TRERF1: variants seen among roughly 807,000 people sequenced by gnomAD.
The protein encoded by TRERF1 is transcriptional regulating factor 1, also known as transcriptional-regulating factor 1.
In TRERF1, 27 loss-of-function variants were observed where a neutral mutation model predicts 122.9. The observed-to-expected ratio is 0.22, with a 90% CI of 0.16 to 0.30. The LOEUF is 0.30. TRERF1 is among the 10% of genes least tolerant of loss of function. The probability of loss-of-function intolerance (pLI) is 1.00; values close to 1 mark genes in which losing one functional copy is unlikely to be tolerated. For missense variants in TRERF1, 1,248 were observed against 1,560.3 expected, an observed-to-expected ratio of 0.80 and a Z score of 3.37; for synonymous variants, 636 against 641.7, an observed-to-expected ratio of 0.99 and a Z score of 0.13.
intron 13 of TRERF1, among the ~76,000 whole-genome samples, chr6:42,247,275 C>A (rs1268527160): frequency 1.3e-5 from 2 of 152,182 alleles, no homozygotes; most frequent in Non-Finnish European, 2.9e-5. Context: ...TGAAGTCATG[C>A]ACTTCAGTTG....
chr6:42,277,917 A>AGAGGAAGAAGAGGAAGAAGAG (rs1781516824), intron 4 of TRERF1, among the ~76,000 whole-genome samples: 1 of 105,942 alleles, frequency 9.4e-6, no homozygotes, highest in African/African-American at 4.2e-5. Context: ...AAGAAGAAGA[A>AGAGGAAGAAGAGGAAGAAGAG]GAAGAAGAAG....
chr6:42,358,112 T>C (rs771934472), intron 3 of TRERF1, among the ~76,000 whole-genome samples: 2 of 152,156 alleles, frequency 1.3e-5, no homozygotes, highest in Non-Finnish European at 2.9e-5. Flanking sequence ...ACACACACCC[T>C]TTCCCACCTA....
At chr6:42,226,217 C>T (rs1349749009) in exon 18 of TRERF1, 1 of 152,202 alleles carries the variant, frequency 6.6e-6, no homozygotes, top group East Asian at 1.9e-4. Context: ...GCCATGGCAA[C>T]TGAGTTTATT....
intron 2 of TRERF1, among the ~76,000 whole-genome samples, chr6:42,398,374 T>C (rs1006542169): frequency 6.6e-6 from 1 of 152,096 alleles, no homozygotes; most frequent in African/African-American, 2.4e-5. Flanking sequence ...GAATCCAGAG[T>C]GTGGCCATCA....
At chr6:42,339,694 C>A (rs1454680567) in intron 3 of TRERF1, among the ~76,000 whole-genome samples, 1 of 152,164 alleles carries the variant, frequency 6.6e-6, no homozygotes, top group Non-Finnish European at 1.5e-5. Flanking sequence ...CAAACCCATG[C>A]AGACTGACAG....
intron 2 of TRERF1, among the ~76,000 whole-genome samples, chr6:42,413,648 T>C (rs1419454890): frequency 6.6e-6 from 1 of 152,082 alleles, no homozygotes; most frequent in Non-Finnish European, 1.5e-5. Flanking sequence ...CAGGATGGTC[T>C]TGATCTCTTG....
At chr6:42,237,389 G>A (rs1253592979) in intron 15 of TRERF1, among the ~76,000 whole-genome samples, 4 of 152,302 alleles carry the variant, frequency 2.6e-5, no homozygotes, top group Admixed American at 2.0e-4. Flanking sequence ...GTAGGGGTGA[G>A]GGCTGCTGGC....
intron 8 of TRERF1, among the ~76,000 whole-genome samples, chr6:42,260,065 T>C (rs1287192639): frequency 6.6e-6 from 1 of 152,124 alleles, no homozygotes; most frequent in African/African-American, 2.4e-5. Flanking sequence ...GTGGGCTCTT[T>C]AATTCCCCCA....
chr6:42,273,093 A>G (rs756517084), intron 4 of TRERF1, among the ~76,000 whole-genome samples: 8 of 152,050 alleles, frequency 5.3e-5, no homozygotes, highest in Non-Finnish European at 1.0e-4. Flanking sequence ...TCTCAGCTCA[A>G]ACTACACATT....
chr6:42,322,983 G>A (rs1035104709), intron 3 of TRERF1, among the ~76,000 whole-genome samples: 3 of 152,034 alleles, frequency 2.0e-5, no homozygotes, highest in African/African-American at 7.3e-5. Flanking sequence ...GGCACTGGGA[G>A]GGGGTGGGGG....
At chr6:42,295,539 T>G (rs1490699785) in intron 4 of TRERF1, among the ~76,000 whole-genome samples, 1 of 152,206 alleles carries the variant, frequency 6.6e-6, no homozygotes, top group African/African-American at 2.4e-5. Context: ...CCAGGATGCA[T>G]GAGGCTCCTT....
intron 2 of TRERF1, among the ~76,000 whole-genome samples, chr6:42,375,545 TTAAG>T (rs1279137133): frequency 3.9e-5 from 6 of 152,222 alleles, no homozygotes; most frequent in Non-Finnish European, 7.3e-5. Context: ...AAAGCATTTA[TTAAG>T]TGTCTACTAT....
intron 16 of TRERF1, among the ~76,000 whole-genome samples, chr6:42,235,402 C>T (rs552488698): frequency 4.6e-5 from 7 of 152,208 alleles, no homozygotes; most frequent in East Asian, 3.9e-4. Flanking sequence ...GGCAGACCAG[C>T]GGGAGATTGA....
At chr6:42,430,116 G>A (rs1272954520) in intron 2 of TRERF1, among the ~76,000 whole-genome samples, 1 of 151,792 alleles carries the variant, frequency 6.6e-6, no homozygotes, top group Admixed American at 6.6e-5. Flanking sequence ...AGGGCCTCAG[G>A]GGGGCTAAGG....
chr6:42,264,617 G>T (rs2149845272), intron 7 of TRERF1, 87 bp downstream of exon 7: 2 of 1,549,546 alleles, frequency 1.3e-6, no homozygotes, highest in Non-Finnish European at 1.7e-6. Flanking sequence ...GTCCCGCATG[G>T]GGCTCACATC....
At chr6:42,382,088 G>A (rs1003038942) in intron 2 of TRERF1, among the ~76,000 whole-genome samples, 7 of 151,552 alleles carry the variant, frequency 4.6e-5, no homozygotes, top group African/African-American at 1.5e-4. Context: ...TAATGAACAG[G>A]TGAGGAGTGA....
chr6:42,404,514 G>T (rs1779896651), intron 2 of TRERF1, among the ~76,000 whole-genome samples: 1 of 151,748 alleles, frequency 6.6e-6, no homozygotes, highest in Non-Finnish European at 1.5e-5. Context: ...CAGCCGTCTT[G>T]AATGTGAAGC....
chr6:42,377,804 C>A (rs1326397557), intron 2 of TRERF1, among the ~76,000 whole-genome samples: 2 of 152,128 alleles, frequency 1.3e-5, no homozygotes, highest in African/African-American at 4.8e-5. Flanking sequence ...ATGTTCAGTG[C>A]CTCTCAAATT....
intron 4 of TRERF1, among the ~76,000 whole-genome samples, chr6:42,280,406 A>G (rs9357395): frequency 0.43 from 64,713 of 152,012 alleles, 14,097 homozygotes; most frequent in African/African-American, 0.5. Context: ...TCTCCCAGCA[A>G]GTTCGTGCTC....
Sources: gnomAD v4.1 joint callset for allele counts (sites outside exome capture counted in the v4.1 genomes callset) on GRCh38, gnomAD v4.1.1 for gene constraint, MANE v1.5 for transcripts, NCBI Gene and HGNC (gene_info 2026-07-23, HGNC 2026-07-21) for gene names.